The following TFEC variants were observed in gnomAD, a reference collection of about 807,000 sequenced individuals.
The protein encoded by TFEC is class E basic helix-loop-helix protein 34.
TFEC carries 31 observed loss-of-function variants against 41.6 expected under a neutral mutation model. The ratio of observed to expected loss-of-function variants is 0.74; its 90% confidence interval spans 0.56 to 1.01. The LOEUF is 1.01. Among genes scored for constraint, TFEC ranks in the 50% least tolerant of loss-of-function variants. The probability of loss-of-function intolerance (pLI) is 0.00; values close to 1 mark genes in which losing one functional copy is unlikely to be tolerated. For synonymous variants in TFEC, 143 were observed against 140.6 expected (o/e 1.02, Z -0.12); for missense variants, 402 against 404.1 (o/e 0.99, Z 0.04).
chr7:115,956,694 T>C lies in TFEC; in HGVS notation c.367A>G (p.Lys123Glu). 1 of 1,602,708 alleles carries C rather than the reference T, an allele frequency of 6.2e-7. No homozygotes were observed. Among genetic ancestry groups the C allele is most frequent in the Non-Finnish European group, 8.5e-7 (1 of 1,175,392 alleles). Reference sequence around the variant, plus strand: ...GCAACATTACCTGTAATTTCTCTTTTCATTGGTAGACTACTTGGACAAGAA... The same window carrying C: ...GCAACATTACCTGTAATTTCTCTTTCCATTGGTAGACTACTTGGACAAGAA... The part of the protein sequence containing the change: ...SASCPSSLPM[K>E]REITETDTRA... Residue 123 changes from lysine (K) to glutamate (E), a missense_variant, in exon 4 of 8, where the codon AAA (lysine) becomes GAA (glutamate). Transcript: ENST00000265440.
At chr7:116,015,684 T>C (rs556629162) in intron 1 of TFEC, among the ~76,000 whole-genome samples, 1 of 152,234 alleles carries the variant, frequency 6.6e-6, no homozygotes, top group East Asian at 1.9e-4. Flanking sequence ...AAAATGTGTA[T>C]AAGACTTCTG....
intron 2 of TFEC, among the ~76,000 whole-genome samples, chr7:115,977,369 G>A (rs1793431036): frequency 6.6e-6 from 1 of 152,050 alleles, no homozygotes; most frequent in Admixed American, 6.6e-5. Context: ...AAACATTTAT[G>A]TTTTCAGATA....
At chr7:115,948,901 G>A (rs1394244770) in intron 6 of TFEC, among the ~76,000 whole-genome samples, 1 of 151,176 alleles carries the variant, frequency 6.6e-6, no homozygotes, top group Non-Finnish European at 1.5e-5. Flanking sequence ...AAAAGAGGAA[G>A]TCAAATTGTC....
At chr7:116,053,662 G>C (rs1197696158) in intron 3 of TFEC, among the ~76,000 whole-genome samples, 1 of 152,164 alleles carries the variant, frequency 6.6e-6, no homozygotes, top group Non-Finnish European at 1.5e-5. Flanking sequence ...AACAGAAAGA[G>C]AGACCTAAGA....
intron 3 of TFEC, among the ~76,000 whole-genome samples, chr7:116,105,093 G>A (rs1403889321): frequency 2.0e-5 from 3 of 152,100 alleles, no homozygotes; most frequent in Non-Finnish European, 4.4e-5. Flanking sequence ...TATGGCCCCA[G>A]AGAAAAGGAA....
At chr7:115,988,338 C>T (rs999014552) in intron 1 of TFEC, among the ~76,000 whole-genome samples, 3 of 151,466 alleles carry the variant, frequency 2.0e-5, no homozygotes, top group African/African-American at 7.3e-5. Context: ...CATGCAAGAG[C>T]AGATGGGCAA....
chr7:116,080,575 A>T (rs943095926), intron 3 of TFEC, among the ~76,000 whole-genome samples: 2 of 152,210 alleles, frequency 1.3e-5, no homozygotes, highest in Non-Finnish European at 2.9e-5. Flanking sequence ...CAAATGGCCA[A>T]GAAGCATATG....
chr7:115,956,641 TA>T, intron 4 of TFEC, 37 bp downstream of exon 4: 1 of 1,468,166 alleles, frequency 6.8e-7, no homozygotes, highest in Non-Finnish European at 9.4e-7. Context: ...ATGTCATTAA[TA>T]AAAATAAAAA....
Position 115,956,682 on chromosome 7 carries a change from T to C in TFEC, c.379A>G (p.Thr127Ala). ...AAAACTATAAAAGCAACATTACCTG[T>C]AATTTCTCTTTTCATTGGTAGACTA... ...PSSLPMKREI[T>A]ETDTRALAKE... The change falls in exon 4 of 8, where the codon ACA becomes GCA. Residue 127 changes from threonine (T) to alanine (A), a missense_variant. By Grantham distance (58) the Thr-to-Ala change is moderately conservative. Transcript: ENST00000265440. 3 of 1,598,808 alleles carry C rather than the reference T, an allele frequency of 1.9e-6. No homozygotes were observed. The highest frequency in any genetic ancestry group is 1.7e-5 in the Admixed American group (1 of 57,944).
chr7:115,965,976 T>C (rs1180999493), intron 3 of TFEC, among the ~76,000 whole-genome samples: 2 of 151,494 alleles, frequency 1.3e-5, no homozygotes, highest in African/African-American at 4.8e-5. Context: ...CTCACAGCCC[T>C]AAGCCTAAAT....
intron 1 of TFEC, among the ~76,000 whole-genome samples, chr7:116,019,682 A>G (rs1795321057): frequency 6.6e-6 from 1 of 152,314 alleles, no homozygotes; most frequent in South Asian, 2.1e-4. Flanking sequence ...AGACAAGTGG[A>G]ATAGAATCCA....
Position 115,940,418 on chromosome 7 carries a change from T to C in TFEC, c.*133A>G. 1 of 947,810 alleles carries C rather than the reference T, an allele frequency of 1.1e-6. No individual in the cohort carries two copies. The highest frequency in any genetic ancestry group is 1.5e-6 in the Non-Finnish European group (1 of 669,338). 58.7% of individuals were successfully genotyped at this position (947,810 alleles called of 1,614,324 possible). ...TTCCTGCGAATTCTTCTGTTGCTTCTATCAGTTTTTCATGAACAACACATT... is the reference window on the plus strand; with the variant it reads ...TTCCTGCGAATTCTTCTGTTGCTTCCATCAGTTTTTCATGAACAACACATT... On this transcript the variant is annotated 3_prime_UTR_variant, in exon 8 of 8. Coordinates refer to ENST00000265440, the MANE Select transcript of TFEC (RefSeq NM_012252.4).
At chr7:116,063,273 C>T (rs1267346573) in intron 3 of TFEC, among the ~76,000 whole-genome samples, 2 of 151,950 alleles carry the variant, frequency 1.3e-5, no homozygotes, top group African/African-American at 2.4e-5. Context: ...GAAAAGGCAG[C>T]GAAGGAAGAT....
At chr7:116,125,101 T>G (rs1798183361) in intron 1 of TFEC, among the ~76,000 whole-genome samples, 1 of 152,176 alleles carries the variant, frequency 6.6e-6, no homozygotes. Flanking sequence ...AATCCATTAC[T>G]CAACTGGCCC....
chr7:116,066,706 A>AT (rs959579991), intron 3 of TFEC, among the ~76,000 whole-genome samples: 7 of 151,922 alleles, frequency 4.6e-5, no homozygotes, highest in South Asian at 4.1e-4. Flanking sequence ...TACAATTACA[A>AT]TTTTTTTTAT....
At chr7:116,055,455 CA>C (rs1478975054) in intron 3 of TFEC, among the ~76,000 whole-genome samples, 1 of 151,868 alleles carries the variant, frequency 6.6e-6, no homozygotes, top group East Asian at 1.9e-4. Flanking sequence ...ATGAATTAAA[CA>C]TACAAATATG....
intron 1 of TFEC, among the ~76,000 whole-genome samples, chr7:116,159,147 A>G (rs945035746): frequency 1.3e-5 from 2 of 151,950 alleles, no homozygotes; most frequent in Admixed American, 1.3e-4. Flanking sequence ...ATGATACAAG[A>G]AATAATAAGT....
At chr7:116,128,329 G>C (rs1438500494) in intron 1 of TFEC, among the ~76,000 whole-genome samples, 2 of 152,094 alleles carry the variant, frequency 1.3e-5, no homozygotes, top group Admixed American at 1.3e-4. Context: ...GTAGTAATGA[G>C]AAAATAATTA....
chr7:116,027,758 T>C (rs1795641493), intron 1 of TFEC, among the ~76,000 whole-genome samples: 1 of 152,148 alleles, frequency 6.6e-6, no homozygotes, highest in African/African-American at 2.4e-5. Flanking sequence ...AGAAAGCATG[T>C]TTCAAGAAGA....
Sources: allele counts gnomAD v4.1 joint callset (sites outside exome capture counted in the v4.1 genomes callset), GRCh38; gene constraint gnomAD v4.1.1; transcripts MANE v1.5; gene names NCBI Gene and HGNC (gene_info 2026-07-23, HGNC 2026-07-21).